The following CAMK1D variants were observed in gnomAD, a reference collection of about 807,000 sequenced individuals.
CAMK1D encodes calcium/calmodulin dependent protein kinase ID.
In CAMK1D, 9 loss-of-function variants were observed where a neutral mutation model predicts 47.7. The observed-to-expected ratio is 0.19, with a 90% confidence interval of 0.11 to 0.33. The LOEUF is 0.33. Among genes scored for constraint, CAMK1D ranks in the 10% least tolerant of loss-of-function variants. CAMK1D has a pLI of 1.00. For synonymous variants in CAMK1D, 184 were observed against 184.9 expected, an observed-to-expected ratio of 0.99 and a Z score of 0.04; for missense variants, 291 against 488.7, an observed-to-expected ratio of 0.60 and a Z score of 3.81.
chr10:12,788,918 A>T (rs1052609501), intron 5 of CAMK1D, among the ~76,000 whole-genome samples: 2 of 152,242 alleles, frequency 1.3e-5, no homozygotes, highest in Non-Finnish European at 2.9e-5. Context: ...TGTTTAAAAA[A>T]AATAAAAATC....
intron 2 of CAMK1D, among the ~76,000 whole-genome samples, chr10:12,597,457 C>T (rs886630208): frequency 8.5e-5 from 13 of 152,160 alleles, no homozygotes; most frequent in Admixed American, 2.6e-4. Context: ...CCCACAGACA[C>T]GCTGACCATC....
chr10:12,771,265 T>C (rs1355745603), intron 5 of CAMK1D, among the ~76,000 whole-genome samples: 2 of 152,202 alleles, frequency 1.3e-5, no homozygotes, highest in Non-Finnish European at 2.9e-5. Context: ...TGCGGTGACC[T>C]TTCTTCATGA....
At chr10:12,362,029 C>A (rs965335619) in intron 1 of CAMK1D, among the ~76,000 whole-genome samples, 1 of 152,034 alleles carries the variant, frequency 6.6e-6, no homozygotes, top group Non-Finnish European at 1.5e-5. Context: ...TCTTTCTTGC[C>A]TATTAAACTC....
chr10:12,567,020 A>G (rs546989980), intron 2 of CAMK1D, among the ~76,000 whole-genome samples: 2 of 152,186 alleles, frequency 1.3e-5, no homozygotes, highest in Non-Finnish European at 2.9e-5. Context: ...CCGAGCCTGC[A>G]GTACAGGTTA....
At chr10:12,723,261 G>A (rs145635383) in intron 3 of CAMK1D, among the ~76,000 whole-genome samples, 41 of 152,232 alleles carry the variant, frequency 2.7e-4, no homozygotes, top group African/African-American at 9.1e-4. Flanking sequence ...CGGTCTGAAC[G>A]GGAGAATTGT....
intron 3 of CAMK1D, among the ~76,000 whole-genome samples, chr10:12,668,913 G>GAAAAAAA (rs910009233): frequency 6.8e-6 from 1 of 146,446 alleles, no homozygotes; most frequent in Admixed American, 6.8e-5. Flanking sequence ...TTTGTGTTAA[G>GAAAAAAA]AAAAAAAAAA....
At chr10:12,545,493 C>G (rs1263411521) in intron 1 of CAMK1D, among the ~76,000 whole-genome samples, 1 of 139,698 alleles carries the variant, frequency 7.2e-6, no homozygotes, top group Non-Finnish European at 1.5e-5. Flanking sequence ...AATATACCAT[C>G]TGGGCCTTTG....
chr10:12,531,343 G>A (rs1835798954), intron 1 of CAMK1D, among the ~76,000 whole-genome samples: 2 of 152,182 alleles, frequency 1.3e-5, no homozygotes, highest in African/African-American at 4.8e-5. Flanking sequence ...TTCCCAGAGT[G>A]CATTCATCCC....
At chr10:12,376,835 T>G (rs1838197541) in intron 1 of CAMK1D, among the ~76,000 whole-genome samples, 1 of 151,144 alleles carries the variant, frequency 6.6e-6, no homozygotes, top group Non-Finnish European at 1.5e-5. Flanking sequence ...CTCACTGCAA[T>G]CTCCACCCTC....
At chr10:12,546,855 GC>G (rs1229761945) in intron 1 of CAMK1D, among the ~76,000 whole-genome samples, 5 of 152,010 alleles carry the variant, frequency 3.3e-5, no homozygotes, top group Non-Finnish European at 5.9e-5. Flanking sequence ...TATACCTAAT[GC>G]TAAATGACGA....
At chr10:12,726,340 C>G (rs537247095) in intron 3 of CAMK1D, among the ~76,000 whole-genome samples, 1 of 152,186 alleles carries the variant, frequency 6.6e-6, no homozygotes, top group South Asian at 2.1e-4. Flanking sequence ...AAGAGAATCA[C>G]TTGAACCTGG....
chr10:12,820,122 C>T (rs963932375), intron 8 of CAMK1D, among the ~76,000 whole-genome samples: 1 of 152,220 alleles, frequency 6.6e-6, no homozygotes, highest in African/African-American at 2.4e-5. Context: ...TCACTGCAAC[C>T]TCCGCTTCCC....
At chr10:12,818,933 TA>T in intron 8 of CAMK1D, among the ~76,000 whole-genome samples, 1 of 152,334 alleles carries the variant, frequency 6.6e-6, no homozygotes, top group South Asian at 2.1e-4. Flanking sequence ...ACGATAAAGG[TA>T]ATAAAGGTTT....
chr10:12,480,655 G>A (rs2132097575), intron 1 of CAMK1D, among the ~76,000 whole-genome samples: 1 of 152,246 alleles, frequency 6.6e-6, no homozygotes, highest in Admixed American at 6.5e-5. Context: ...GGAGGAAAGG[G>A]AGGAGCTCAG....
At chr10:12,612,683 T>C (rs983387415) in intron 2 of CAMK1D, among the ~76,000 whole-genome samples, 6 of 152,140 alleles carry the variant, frequency 3.9e-5, no homozygotes, top group Admixed American at 3.9e-4. Flanking sequence ...TATTCCTCTC[T>C]GGGTGCAGCT....
At position 12,553,222 on chromosome 10, in the gene CAMK1D, C is replaced by T. The variant is rs373429872; in HGVS notation, c.93-3C>T. The T allele has an allele frequency of 1.7e-5, 27 of 1,613,912 alleles. No individual in the cohort carries two copies. The highest frequency in any genetic ancestry group is 1.1e-4 in the African/African-American group (8 of 74,934). On this transcript the variant is annotated splice_region_variant and splice_polypyrimidine_tract_variant and intron_variant, in intron 1 of 10. Transcript: ENST00000619168. ...GTGTTCTTTTTTCCTTCTTTGTTCACAGCGGGGCCTTTTCCGAAGTGGTTT... is the reference window on the plus strand; with the variant it reads ...GTGTTCTTTTTTCCTTCTTTGTTCATAGCGGGGCCTTTTCCGAAGTGGTTT...
At chr10:12,769,941 A>G in intron 5 of CAMK1D, 142 bp downstream of exon 5, 1 of 872,954 alleles carries the variant, frequency 1.1e-6, no homozygotes. Flanking sequence ...CCCTGGGGGA[A>G]AGAATAAAAA....
intron 3 of CAMK1D, among the ~76,000 whole-genome samples, chr10:12,708,382 G>T (rs916768966): frequency 4.1e-4 from 62 of 152,306 alleles, no homozygotes; most frequent in African/African-American, 1.4e-3. Context: ...AACTCCATCT[G>T]ATGGGCACAG....
intron 1 of CAMK1D, among the ~76,000 whole-genome samples, chr10:12,437,959 G>A (rs1011164085): frequency 6.6e-6 from 1 of 152,176 alleles, no homozygotes; most frequent in Non-Finnish European, 1.5e-5. Flanking sequence ...CTGAGAGCTG[G>A]TCACATAGGC....
Sources: gnomAD v4.1 joint callset for allele counts (sites outside exome capture counted in the v4.1 genomes callset) on GRCh38, gnomAD v4.1.1 for gene constraint, MANE v1.5 for transcripts, NCBI Gene and HGNC (gene_info 2026-07-23, HGNC 2026-07-21) for gene names.